The following C1orf159 variants were observed in gnomAD, a reference collection of about 807,000 sequenced individuals.
The protein encoded by C1orf159 is chromosome 1 open reading frame 159, also known as uncharacterized protein C1orf159.
A neutral mutation model predicts 25.6 loss-of-function variants in C1orf159; 19 were observed. The observed-to-expected ratio is 0.74, with a 90% CI of 0.52 to 1.09. C1orf159 has a LOEUF of 1.09. Ranked by LOEUF, C1orf159 falls within the 50% of genes least tolerant of loss-of-function variation. The probability of loss-of-function intolerance (pLI) is 0.00; values close to 1 mark genes in which losing one functional copy is unlikely to be tolerated. For missense variants in C1orf159, 274 were observed against 290.6 expected (o/e 0.94, Z 0.42); for synonymous variants, 139 against 124.7 (o/e 1.12, Z -0.77).
At chr1:1,107,673 A>G (rs4970355) in intron 1 of C1orf159, among the ~76,000 whole-genome samples, 36,373 of 152,132 alleles carry the variant, frequency 0.24, 5,874 homozygotes, top group African/African-American at 0.46. Context: ...GGGCCAATCA[A>G]CAGGATGTGG....
At chr1:1,086,069 G>A in intron 6 of C1orf159, 57 bp from the exon 7 acceptor site, 1 of 1,591,362 alleles carries the variant, frequency 6.3e-7, no homozygotes, top group Non-Finnish European at 8.6e-7. Flanking sequence ...CTCCTCGCCT[G>A]GCCCCCGGTG....
At chr1:1,083,303 C>T (rs980906647) in intron 9 of C1orf159, 32 of 327,996 alleles carry the variant, frequency 9.8e-5, no homozygotes, top group Admixed American at 2.2e-4. Flanking sequence ...CCTCAGGGGG[C>T]GACAAGCAGG....
chr1:1,114,005 C>G (rs1442837929), intron 1 of C1orf159, among the ~76,000 whole-genome samples: 1 of 151,792 alleles, frequency 6.6e-6, no homozygotes, highest in Non-Finnish European at 1.5e-5. Context: ...CAACCTCCGC[C>G]TCCCGAGTTC....
intron 4 of C1orf159, among the ~76,000 whole-genome samples, chr1:1,088,317 C>A (rs1397854790): frequency 1.5e-5 from 1 of 68,072 alleles, no homozygotes; most frequent in Non-Finnish European, 3.1e-5. Flanking sequence ...AGGACCCCCC[C>A]ACGGCCTCCC....
chr1:1,093,743 G>A (rs1645972580), intron 1 of C1orf159, among the ~76,000 whole-genome samples: 1 of 152,232 alleles, frequency 6.6e-6, no homozygotes, highest in Non-Finnish European at 1.5e-5. Flanking sequence ...GTGACTGGAT[G>A]GAGCTGCGGC....
Position 1,087,512 on chromosome 1 carries a change from CT to C in C1orf159, c.233del (p.Glu78GlyfsTer14), listed in dbSNP as rs1557747324. ...GCCGGGCAGACCTACAGCTTCTACA[CT>C]CGGAGCCGTTGTAGGCTGGGAGGGT... ...NGTLPAYNGS[E>X]CRSFAGPGAP... On this transcript the variant is annotated frameshift_variant, in exon 5 of 10. Coordinates refer to ENST00000421241, the MANE Select transcript of C1orf159 (RefSeq NM_017891.5). LOFTEE classifies it high-confidence loss of function. This position sits in a 1 kb window ranked among gnomAD's most constrained non-coding sequence, Gnocchi z 8.3. The C allele has an allele frequency of 6.5e-7, 1 of 1,549,400 alleles. No homozygotes were observed. Among genetic ancestry groups the C allele is most frequent in the Non-Finnish European group, 8.7e-7 (1 of 1,146,326 alleles).
chr1:1,088,088 C>T (rs1645863243), intron 4 of C1orf159, among the ~76,000 whole-genome samples: 1 of 151,542 alleles, frequency 6.6e-6, no homozygotes. Context: ...CTTCCACCAC[C>T]CAGCCTTCAC....
At chr1:1,084,541 C>A in intron 7 of C1orf159, 35 bp from the exon 8 acceptor site, 2 of 1,549,072 alleles carry the variant, frequency 1.3e-6, no homozygotes, top group Non-Finnish European at 1.7e-6. Context: ...ACCCTGGAGC[C>A]CAGGAGCTGC....
rs1330192782 is a variant in C1orf159 at position 1,110,660 on chromosome 1, C to G, written c.-136+5400G>C. ...ACTTCCACACCTGGGATGCAGCCTT[C>G]CCCCCGGGCACGTTCCCAAGAGAAA... On this transcript the variant is annotated intron_variant, in intron 1 of 9. Coordinates refer to ENST00000421241, the MANE Select transcript of C1orf159 (RefSeq NM_017891.5). This position sits in a 1 kb window ranked among gnomAD's most constrained non-coding sequence, Gnocchi z 4.8. Among the ~76,000 whole-genome samples the G allele has an allele frequency of 6.6e-6, 1 of 151,504 alleles. No homozygotes were observed. The highest frequency in any genetic ancestry group is 2.1e-4 in the South Asian group (1 of 4,828).
At chr1:1,105,908 TA>T (rs1331790736) in intron 1 of C1orf159, 1 of 152,046 alleles carries the variant, frequency 6.6e-6, no homozygotes, top group African/African-American at 2.4e-5. Context: ...AATAGATAGA[TA>T]AATAAATAAA....
chr1:1,101,498 A>T (rs1019329743), intron 1 of C1orf159, among the ~76,000 whole-genome samples: 1 of 151,928 alleles, frequency 6.6e-6, no homozygotes, highest in Admixed American at 6.6e-5. Flanking sequence ...ATTTTTTTTT[A>T]AATCTCACAG....
Position 1,085,958 on chromosome 1 carries a change from C to A in C1orf159, c.365G>T (p.Gly122Val), listed in dbSNP as rs1194299799. The change falls in exon 7 of 10, where the codon GGC becomes GTC. Residue 122 changes from glycine to valine, a missense_variant. Gly to Val is a moderately radical substitution (Grantham distance 109). Transcript: ENST00000421241. Reference protein sequence around the residue: ...LFLGTFFISSGLILSVAGFFY... With the variant: ...LFLGTFFISSVLILSVAGFFY... Reference sequence around the variant, plus strand: ...GAACCCAGCTACGGAGAGGATGAGGCCGGAGCTAATGAAGAACGTGCCCAG... The same window carrying A: ...GAACCCAGCTACGGAGAGGATGAGGACGGAGCTAATGAAGAACGTGCCCAG... 7 of 1,613,300 alleles carry A rather than the reference C, an allele frequency of 4.3e-6. No homozygotes were observed. The highest frequency in any genetic ancestry group is 5.9e-6 in the Non-Finnish European group (7 of 1,179,826).
chr1:1,090,284 G>A (rs1016609409), intron 4 of C1orf159, 69 bp downstream of exon 4: 11 of 1,450,686 alleles, frequency 7.6e-6, no homozygotes, highest in African/African-American at 4.2e-5. Flanking sequence ...CCGAGGGGAG[G>A]GCCCTGGGCA....
intron 1 of C1orf159, among the ~76,000 whole-genome samples, chr1:1,111,212 C>G (rs1383025634): frequency 6.6e-6 from 1 of 152,026 alleles, no homozygotes; most frequent in African/African-American, 2.4e-5. Flanking sequence ...CACTCTTTGA[C>G]CACTCTTATT....
chr1:1,083,097 CCCGGGG>C (rs755064066), intron 9 of C1orf159, 110 bp from the exon 10 acceptor site: 11 of 887,208 alleles, frequency 1.2e-5, no homozygotes, highest in Non-Finnish European at 1.7e-5. Flanking sequence ...GGCACAGGCG[CCCGGGG>C]CTGTTTACTC....
intron 3 of C1orf159, chr1:1,091,057 G>A: frequency 7.8e-7 from 1 of 1,273,986 alleles, no homozygotes; most frequent in Non-Finnish European, 1.1e-6. Context: ...CGCCAGGGAG[G>A]GGCCCAGGTC....
intron 1 of C1orf159, among the ~76,000 whole-genome samples, chr1:1,113,344 A>C (rs72892214): frequency 0.1 from 15,749 of 151,952 alleles, 1,897 homozygotes; most frequent in African/African-American, 0.3. Flanking sequence ...TAGAGCTCTG[A>C]AGGCTCACCT....
intron 1 of C1orf159, among the ~76,000 whole-genome samples, chr1:1,100,992 A>G (rs1646092767): frequency 6.6e-6 from 1 of 152,200 alleles, no homozygotes; most frequent in Admixed American, 6.5e-5. Context: ...GATGTTCATC[A>G]TTCATTCTTA....
intron 2 of C1orf159, 96 bp from the exon 3 acceptor site, chr1:1,091,661 G>C: frequency 1.1e-6 from 1 of 880,118 alleles, no homozygotes; most frequent in Non-Finnish European, 1.8e-6. Flanking sequence ...AGATGTTGGG[G>C]GGGTGCGGGC....
Sources: allele counts gnomAD v4.1 joint callset (sites outside exome capture counted in the v4.1 genomes callset), GRCh38; gene constraint gnomAD v4.1.1; non-coding constraint Gnocchi (gnomAD v3.1); transcripts MANE v1.5; gene names NCBI Gene and HGNC (gene_info 2026-07-23, HGNC 2026-07-21).